Variants in ST6GAL1 observed in about 807,000 individuals in gnomAD.
ST6GAL1 encodes the protein beta-galactoside alpha-2,6-sialyltransferase 1.
ST6GAL1 carries 20 observed loss-of-function variants against 38.0 expected under a neutral mutation model. That is an observed-to-expected ratio of 0.53 (90% CI 0.37 to 0.77). The LOEUF (loss-of-function observed/expected upper bound fraction) is 0.77. Among genes scored for constraint, ST6GAL1 ranks in the 30% least tolerant of loss-of-function variants. The pLI is 0.00. For missense variants in ST6GAL1, 432 were observed against 496.4 expected (o/e 0.87, Z 1.23); for synonymous variants, 196 against 188.2 (o/e 1.04, Z -0.34).
At chr3:187,024,489 TATATAG>T (rs61709695) in intron 2 of ST6GAL1, among the ~76,000 whole-genome samples, 14,427 of 90,504 alleles carry the variant, frequency 0.16, 708 homozygotes, top group East Asian at 0.24. Flanking sequence ...TATATATATA[TATATAG>T]AGAGAGAGAG....
intron 1 of ST6GAL1, chr3:186,942,329 T>C (rs1714207671): frequency 1.3e-5 from 2 of 152,234 alleles, no homozygotes; most frequent in Non-Finnish European, 2.9e-5. Flanking sequence ...GACCTTGTAT[T>C]CTTAAATTAT....
At chr3:187,007,370 T>G (rs769992511) in intron 2 of ST6GAL1, among the ~76,000 whole-genome samples, 3 of 151,852 alleles carry the variant, frequency 2.0e-5, no homozygotes, top group Non-Finnish European at 2.9e-5. Context: ...ACAGAAGAGG[T>G]TTTGAGAATC....
At chr3:186,938,260 G>C (rs2108513867) in intron 1 of ST6GAL1, among the ~76,000 whole-genome samples, 1 of 152,288 alleles carries the variant, frequency 6.6e-6, no homozygotes, top group East Asian at 1.9e-4. Context: ...AATATATATT[G>C]TGGGAATGGG....
At position 187,076,027 on chromosome 3, in the gene ST6GAL1, T is replaced by C; in HGVS notation, c.*224T>C. 2 of 585,560 alleles carry C rather than the reference T, an allele frequency of 3.4e-6. No individual in the cohort carries two copies. Among genetic ancestry groups the C allele is most frequent in the Non-Finnish European group, 5.9e-6 (2 of 338,086 alleles). The allele number at this position is 585,560 out of a possible 1,614,324, so 36.3% of individuals were successfully genotyped here. A position where few individuals can be genotyped will look rare whatever the true frequency, so the allele number is the denominator to read the frequency against. ...AGCCCAGAGCCTCCTGCCACACACA[T>C]GCACACATATCTAGCATTCTTTCCA... On this transcript the variant is annotated 3_prime_UTR_variant, in exon 8 of 8. Coordinates refer to ENST00000169298, the MANE Select transcript of ST6GAL1 (RefSeq NM_173216.2).
chr3:186,945,008 T>A (rs1714306700), intron 1 of ST6GAL1, among the ~76,000 whole-genome samples: 2 of 152,170 alleles, frequency 1.3e-5, no homozygotes, highest in African/African-American at 4.8e-5. Flanking sequence ...GTCATGTTGG[T>A]CTCAGACATG....
intron 2 of ST6GAL1, among the ~76,000 whole-genome samples, chr3:187,037,542 G>C (rs1209229882): frequency 6.6e-6 from 1 of 152,100 alleles, no homozygotes; most frequent in Non-Finnish European, 1.5e-5. Flanking sequence ...CGCATCAAAA[G>C]AAGAAAGAGC....
chr3:187,021,072 T>C (rs1171437803), intron 2 of ST6GAL1, among the ~76,000 whole-genome samples: 1 of 151,782 alleles, frequency 6.6e-6, no homozygotes, highest in Non-Finnish European at 1.5e-5. Context: ...CAAGTGATTC[T>C]CCTGCCTCAG....
At chr3:186,980,253 A>C (rs1265279739) in intron 2 of ST6GAL1, among the ~76,000 whole-genome samples, 2 of 152,066 alleles carry the variant, frequency 1.3e-5, no homozygotes, top group African/African-American at 4.8e-5. Context: ...GAGCCTGGGG[A>C]GCAGTGGATG....
At chr3:186,963,564 T>A (rs562361558) in intron 1 of ST6GAL1, among the ~76,000 whole-genome samples, 2 of 152,214 alleles carry the variant, frequency 1.3e-5, no homozygotes, top group African/African-American at 4.8e-5. Context: ...ATTCCACGAC[T>A]GTAGCAGAGT....
intron 2 of ST6GAL1, among the ~76,000 whole-genome samples, chr3:187,013,906 A>C (rs995398058): frequency 6.6e-6 from 1 of 152,128 alleles, no homozygotes; most frequent in Non-Finnish European, 1.5e-5. Context: ...TTTTGTTGAG[A>C]TGAACATCAA....
At chr3:187,019,068 A>G (rs568049054) in intron 2 of ST6GAL1, among the ~76,000 whole-genome samples, 196 of 152,340 alleles carry the variant, frequency 1.3e-3, no homozygotes, top group African/African-American at 4.4e-3. Flanking sequence ...TGGCAACAGT[A>G]TCTTTGTTCA....
chr3:187,043,530 T>C (rs1024859034), intron 4 of ST6GAL1, among the ~76,000 whole-genome samples: 1 of 152,196 alleles, frequency 6.6e-6, no homozygotes, highest in Non-Finnish European at 1.5e-5. Flanking sequence ...CATTATTGTT[T>C]CCTAATATTT....
intron 1 of ST6GAL1, among the ~76,000 whole-genome samples, chr3:186,950,677 G>C (rs980350851): frequency 1.3e-5 from 2 of 152,244 alleles, no homozygotes; most frequent in South Asian, 2.1e-4. Context: ...TTTCTGGGAA[G>C]TCCACTGACC....
chr3:186,998,729 A>G (rs1326765796), intron 2 of ST6GAL1, among the ~76,000 whole-genome samples: 2 of 152,228 alleles, frequency 1.3e-5, no homozygotes, highest in African/African-American at 2.4e-5. Context: ...AAAATTACGA[A>G]TCATACTTTC....
At chr3:187,067,102 TTTTTTGG>T (rs1474888393) in intron 5 of ST6GAL1, among the ~76,000 whole-genome samples, 2 of 107,652 alleles carry the variant, frequency 1.9e-5, no homozygotes, top group Admixed American at 8.7e-5. Context: ...TTTTTTTTTT[TTTTTTGG>T]AGACAGAGTC....
Position 187,074,018 on chromosome 3 carries a change from G to C in ST6GAL1, c.805-141G>C, listed in dbSNP as rs1043656448. 8.6e-6 allele frequency: 6 copies of C among 693,870 alleles called. No homozygotes were observed. In the Admixed American group the frequency reaches 1.5e-4, roughly 17 times the overall value. The allele number at this position is 693,870 out of a possible 1,614,324, so 43.0% of individuals were successfully genotyped here. Reference sequence around the variant, plus strand: ...CGGCTGGAAGAGAAACCTGTAGTCTGCTGCAAGAAAAGGGCTGTGCCTCAG... The same window carrying C: ...CGGCTGGAAGAGAAACCTGTAGTCTCCTGCAAGAAAAGGGCTGTGCCTCAG... On this transcript the variant is annotated intron_variant, in intron 6 of 7. Transcript: ENST00000169298.
chr3:187,070,193 A>T (rs1719313091), intron 5 of ST6GAL1, among the ~76,000 whole-genome samples: 1 of 152,064 alleles, frequency 6.6e-6, no homozygotes, highest in African/African-American at 2.4e-5. Context: ...AGGCTATGAA[A>T]TTTTTTTATT....
intron 5 of ST6GAL1, among the ~76,000 whole-genome samples, chr3:187,063,042 CACA>C (rs1343758102): frequency 2.0e-5 from 3 of 152,172 alleles, no homozygotes; most frequent in African/African-American, 4.8e-5. Flanking sequence ...GTGATAGTTA[CACA>C]ACAATAGGAA....
Position 186,930,543 on chromosome 3 carries a change from CTCCAG to C in ST6GAL1, c.-612_-608del, listed in dbSNP as rs1176366643. 1 of 152,982 alleles carries C rather than the reference CTCCAG, an allele frequency of 6.5e-6. No homozygotes were observed. The highest frequency in any genetic ancestry group is 1.5e-5 in the Non-Finnish European group (1 of 68,642). 9.5% of individuals were successfully genotyped at this position (152,982 alleles called of 1,614,324 possible). A position where few individuals can be genotyped will look rare whatever the true frequency, so the allele number is the denominator to read the frequency against. On this transcript the variant is annotated 5_prime_UTR_variant, in exon 1 of 8. Transcript: ENST00000169298. ...TCCGCCGCGCTCTTCTTCCTTCCTT[CTCCAG>C]TCCCTTCCACTGTGCGTCTTCTGTC...
Sources: allele counts gnomAD v4.1 joint callset (sites outside exome capture counted in the v4.1 genomes callset), GRCh38; gene constraint gnomAD v4.1.1; transcripts MANE v1.5; gene names NCBI Gene and HGNC (gene_info 2026-07-23, HGNC 2026-07-21).